Variants in NEMP2 observed in about 807,000 individuals in gnomAD.
NEMP2 encodes UPF0571 transmembrane protein.
In NEMP2, 53 loss-of-function variants were observed where a neutral mutation model predicts 54.2. That is an observed-to-expected ratio of 0.98 (90% CI 0.78 to 1.23). The LOEUF is 1.23. NEMP2 is among the 50% of genes most tolerant of loss of function. The pLI, the probability that NEMP2 is intolerant of heterozygous loss-of-function variation, is 0.00. For missense variants in NEMP2, 455 were observed against 511.3 expected, an observed-to-expected ratio of 0.89 and a Z score of 1.06; for synonymous variants, 197 against 190.3, an observed-to-expected ratio of 1.04 and a Z score of -0.29.
the NEMP2 span, among the ~76,000 whole-genome samples, chr2:190,445,860 CA>C: frequency 2.0e-5 from 3 of 149,236 alleles, no homozygotes; most frequent in African/African-American, 7.3e-5. Context: ...AAAAGAAGGT[CA>C]TTTTTTTTCC....
the NEMP2 span, among the ~76,000 whole-genome samples, chr2:190,545,219 C>G: frequency 7.1e-6 from 1 of 141,668 alleles, no homozygotes; most frequent in Non-Finnish European, 1.5e-5. Flanking sequence ...TAGTTTGTCT[C>G]TTGCTTTGAC....
chr2:190,430,869 G>T, the NEMP2 span, among the ~76,000 whole-genome samples: 1 of 148,998 alleles, frequency 6.7e-6, no homozygotes, highest in East Asian at 2.0e-4. Context: ...CCTCCCGGAC[G>T]GGGCGGCTGC....
At chr2:190,565,915 A>G in the NEMP2 span, among the ~76,000 whole-genome samples, 1 of 152,188 alleles carries the variant, frequency 6.6e-6, no homozygotes, top group African/African-American at 2.4e-5. Context: ...GAACTGTGAG[A>G]AAATTAATTT....
chr2:190,500,195 C>T, downstream of NEMP2: 1 of 1,614,144 alleles, frequency 6.2e-7, no homozygotes, highest in Non-Finnish European at 8.5e-7. This position sits in a 1 kb window ranked among gnomAD's most constrained non-coding sequence, Gnocchi z 5.3. Flanking sequence ...GCAGCAGGCT[C>T]AGCTGGCCGC....
At chr2:190,576,871 T>TA in the NEMP2 span, among the ~76,000 whole-genome samples, 6 of 152,234 alleles carry the variant, frequency 3.9e-5, no homozygotes, top group Admixed American at 6.5e-5. Context: ...AGGCACTTTA[T>TA]AGGCAAAGAG....
At chr2:190,552,060 T>C in the NEMP2 span, among the ~76,000 whole-genome samples, 2 of 152,186 alleles carry the variant, frequency 1.3e-5, no homozygotes, top group African/African-American at 4.8e-5. Flanking sequence ...CTAGATTGCT[T>C]AAGCACTCTC....
chr2:190,438,629 T>C, the NEMP2 span, among the ~76,000 whole-genome samples: 82 of 152,328 alleles, frequency 5.4e-4, no homozygotes, highest in African/African-American at 1.9e-3. This position sits in a 1 kb window ranked among gnomAD's most constrained non-coding sequence, Gnocchi z 5.2. Flanking sequence ...GCTCTAAATG[T>C]GGAGCCAACT....
chr2:190,526,020 T>C (rs1424591204), intron 1 of NEMP2, among the ~76,000 whole-genome samples: 4 of 152,010 alleles, frequency 2.6e-5, no homozygotes, highest in Admixed American at 2.0e-4. Context: ...TAACTGAAAA[T>C]AGTTCAGTAA....
chr2:190,470,392 G>A, the NEMP2 span, among the ~76,000 whole-genome samples: 2 of 152,012 alleles, frequency 1.3e-5, no homozygotes, highest in Non-Finnish European at 2.9e-5. Context: ...TCAGTGTACT[G>A]TCTCCCATCA....
rs1200336791 is a variant in NEMP2 at position 190,531,239 on chromosome 2, G to T, written c.97+3320C>A. 1.3e-5 allele frequency among the ~76,000 whole-genome samples: 2 copies of T among 152,164 alleles called. No individual in the cohort carries two copies. Among genetic ancestry groups the T allele is most frequent in the African/African-American group, 4.8e-5 (2 of 41,422 alleles). On this transcript the variant is annotated intron_variant, in intron 1 of 8. Transcript: ENST00000409150. The surrounding 1 kb of genome is among the most constrained non-coding windows in gnomAD (Gnocchi z 4.7). Reference sequence around the variant, plus strand: ...AGGTATTTAATATGTCCGTACCCTGGAAGGTGCTCCATAACCTAGGTAATC... The same window carrying T: ...AGGTATTTAATATGTCCGTACCCTGTAAGGTGCTCCATAACCTAGGTAATC...
At chr2:190,547,629 G>A in the NEMP2 span, among the ~76,000 whole-genome samples, 90 of 152,192 alleles carry the variant, frequency 5.9e-4, no homozygotes, top group Non-Finnish European at 1.2e-3. The surrounding 1 kb of genome is among the most constrained non-coding windows in gnomAD (Gnocchi z 6.2). Flanking sequence ...GGGTTCAAGC[G>A]ATTCTCGTGC....
At chr2:190,492,926 T>C in the NEMP2 span, among the ~76,000 whole-genome samples, 1 of 151,728 alleles carries the variant, frequency 6.6e-6, no homozygotes, top group Non-Finnish European at 1.5e-5. The surrounding 1 kb of genome is among the most constrained non-coding windows in gnomAD (Gnocchi z 5.2). Context: ...AGAACCTCTT[T>C]AAAGCATAAA....
At chr2:190,485,087 T>C in the NEMP2 span, among the ~76,000 whole-genome samples, 9 of 152,296 alleles carry the variant, frequency 5.9e-5, no homozygotes, top group South Asian at 1.2e-3. This position sits in a 1 kb window ranked among gnomAD's most constrained non-coding sequence, Gnocchi z 5.1. Context: ...ATTCTAAGAA[T>C]AGTTTAAAAG....
rs1288449157 is a variant in NEMP2, at chr2:190,505,514, C to T, written c.*3675G>A. 1 of 152,046 alleles carries T rather than the reference C, an allele frequency of 6.6e-6. No individual in the cohort carries two copies. The highest frequency in any genetic ancestry group is 1.5e-5 in the Non-Finnish European group (1 of 68,004). The allele number at this position is 152,046 out of a possible 1,614,324, so 9.4% of individuals were successfully genotyped here. On this transcript the variant is annotated 3_prime_UTR_variant, in exon 9 of 9. Coordinates refer to ENST00000409150, the MANE Select transcript of NEMP2 (RefSeq NM_001142645.2). The surrounding 1 kb of genome is among the most constrained non-coding windows in gnomAD (Gnocchi z 5.8). Reference sequence around the variant, plus strand: ...CGACCAAATCTAAAAAAACAGATGCCTCAAATTATTTAAATAATAGAGAAG... The same window carrying T: ...CGACCAAATCTAAAAAAACAGATGCTTCAAATTATTTAAATAATAGAGAAG...
the NEMP2 span, chr2:190,435,286 A>T: frequency 6.6e-6 from 1 of 152,268 alleles, no homozygotes; most frequent in African/African-American, 2.4e-5. Flanking sequence ...GAATGAATAC[A>T]TGTAAAGATC....
chr2:190,600,301 G>A, the NEMP2 span, among the ~76,000 whole-genome samples: 1 of 152,160 alleles, frequency 6.6e-6, no homozygotes, highest in Non-Finnish European at 1.5e-5. The surrounding 1 kb of genome is among the most constrained non-coding windows in gnomAD (Gnocchi z 4.9). Flanking sequence ...GAGGAAAGGG[G>A]ACTCAGTAGA....
chr2:190,524,006 A>G (rs1690843447), intron 2 of NEMP2, among the ~76,000 whole-genome samples: 1 of 151,438 alleles, frequency 6.6e-6, no homozygotes, highest in African/African-American at 2.4e-5. Context: ...AGTTCAGTAG[A>G]CTCATGGGCA....
Position 190,512,279 on chromosome 2 carries a change from C to A in NEMP2, c.954-1742G>T, listed in dbSNP as rs999383243. The stretch of plus-strand genomic sequence containing the variant: ...AAAGCAATAATATCTCCCTCATCTA[C>A]TTCATAGGTCACTGTACAGGTTAAA... On this transcript the variant is annotated intron_variant, in intron 7 of 8. Coordinates refer to ENST00000409150, the MANE Select transcript of NEMP2 (RefSeq NM_001142645.2). The surrounding 1 kb of genome is among the most constrained non-coding windows in gnomAD (Gnocchi z 4.5). 7.9e-5 allele frequency among the ~76,000 whole-genome samples: 12 copies of A among 152,278 alleles called. No homozygotes were observed. The highest frequency in any genetic ancestry group is 1.8e-4 in the Non-Finnish European group (12 of 68,022).
chr2:190,607,738 T>C, the NEMP2 span: 3 of 152,240 alleles, frequency 2.0e-5, no homozygotes, highest in African/African-American at 7.2e-5. This position sits in a 1 kb window ranked among gnomAD's most constrained non-coding sequence, Gnocchi z 5.2. Context: ...GTACAGTCAG[T>C]TGCCGTGCAA....
Sources: gnomAD v4.1 joint callset for allele counts (sites outside exome capture counted in the v4.1 genomes callset) on GRCh38, gnomAD v4.1.1 for gene constraint, Gnocchi (gnomAD v3.1) non-coding constraint, MANE v1.5 for transcripts, NCBI Gene and HGNC (gene_info 2026-07-23, HGNC 2026-07-21) for gene names.